The following CEP350 variants were observed in gnomAD, a reference collection of about 807,000 sequenced individuals.
CEP350 encodes centrosomal protein 350, also known as centrosome-associated protein 350.
CEP350 carries 126 observed loss-of-function variants against 331.8 expected under a neutral mutation model. The observed-to-expected ratio is 0.38, with a 90% CI of 0.33 to 0.44. The LOEUF is 0.44. Ranked by LOEUF, CEP350 falls within the 20% of genes least tolerant of loss-of-function variation. The pLI, the probability that CEP350 is intolerant of heterozygous loss-of-function variation, is 1.00. For synonymous variants in CEP350, 1,200 were observed against 1,259.5 expected (o/e 0.95, Z 1.00); for missense variants, 3,406 against 3,634.6 (o/e 0.94, Z 1.62).
At chr1:180,100,863 A>C (rs1282847357) in intron 37 of CEP350, among the ~76,000 whole-genome samples, 2 of 152,226 alleles carry the variant, frequency 1.3e-5, no homozygotes, top group Non-Finnish European at 2.9e-5. Context: ...TATCACGAGA[A>C]TAGCATGGGA....
chr1:180,014,460 C>G lies in CEP350; in HGVS notation c.2007C>G (p.Thr669=). 6.2e-7 allele frequency: 1 copy of G among 1,609,918 alleles called. No homozygotes were observed. ...ETYSKLLLEK[T]LLEEPSHQHV... ...ACTCCAAATTGCTACTAGAAAAGAC[C>G]TTGCTTGAAGAGCCATCTCATCAAC... The change falls in exon 10 of 38, where the codon ACC becomes ACG. Residue 669 remains threonine, a synonymous_variant. Transcript: ENST00000367607.
chr1:180,033,597 T>A (rs1472023898), intron 15 of CEP350, among the ~76,000 whole-genome samples: 1 of 152,156 alleles, frequency 6.6e-6, no homozygotes, highest in Non-Finnish European at 1.5e-5. Context: ...AAGAGTTCAG[T>A]GCTAGTTTAA....
chr1:180,057,284 A>T (rs978725936), intron 25 of CEP350, among the ~76,000 whole-genome samples: 2 of 151,820 alleles, frequency 1.3e-5, no homozygotes, highest in African/African-American at 2.4e-5. Context: ...TATTTTTAGT[A>T]GAGACGGGGT....
At chr1:180,028,389 G>A (rs768670253) in intron 14 of CEP350, among the ~76,000 whole-genome samples, 31 of 152,168 alleles carry the variant, frequency 2.0e-4, no homozygotes, top group Non-Finnish European at 4.0e-4. Flanking sequence ...TGCTAAGTTA[G>A]TGTCTCACCT....
chr1:180,114,602 G>A lies in CEP350; in HGVS notation c.*3441G>A, dbSNP rs747993926. ...CAAACACATTGCAAAGCATTCTCTG[G>A]GAGGTTCAGCCTCCTTGTGTGTACT... On this transcript the variant is annotated 3_prime_UTR_variant, in exon 38 of 38. Coordinates refer to ENST00000367607, the MANE Select transcript of CEP350 (RefSeq NM_014810.5). The A allele has an allele frequency of 6.6e-6, 1 of 152,550 alleles. No homozygotes were observed. The highest frequency in any genetic ancestry group is 1.5e-5 in the Non-Finnish European group (1 of 68,036). The allele number at this position is 152,550 out of a possible 1,614,324, so 9.4% of individuals were successfully genotyped here.
At chr1:179,978,249 A>G (rs1053144089) in intron 1 of CEP350, among the ~76,000 whole-genome samples, 4 of 152,100 alleles carry the variant, frequency 2.6e-5, no homozygotes, top group African/African-American at 9.7e-5. Context: ...TTATCTTTTA[A>G]ATTAAAAAAA....
intron 20 of CEP350, among the ~76,000 whole-genome samples, chr1:180,043,700 T>G (rs1656916370): frequency 6.6e-6 from 1 of 152,048 alleles, no homozygotes. Flanking sequence ...CTTAGGATTT[T>G]GGAGTTTATT....
rs536013682 is a variant in CEP350 at position 180,095,275 on chromosome 1, G to A, written c.8512-248G>A. The A allele has an allele frequency of 3.8e-5, 13 of 342,556 alleles. No individual in the cohort carries two copies. In the Admixed American group the frequency reaches 5.5e-4, roughly 15 times the overall value. The allele number at this position is 342,556 out of a possible 1,614,324, so 21.2% of individuals were successfully genotyped here. On this transcript the variant is annotated intron_variant, in intron 34 of 37. Coordinates refer to ENST00000367607, the MANE Select transcript of CEP350 (RefSeq NM_014810.5). The stretch of plus-strand genomic sequence containing the variant: ...CAGAATAATGATAATACAAAAAGCG[G>A]GGAGAGCCCTAATCAATAAACATTT...
At chr1:179,977,718 C>G (rs1349613413) in intron 1 of CEP350, among the ~76,000 whole-genome samples, 1 of 152,064 alleles carries the variant, frequency 6.6e-6, no homozygotes, top group African/African-American at 2.4e-5. Context: ...TGCACTTAGG[C>G]TACACTAAGT....
Position 180,014,278 on chromosome 1 carries a change from A to C in CEP350, c.1825A>C (p.Arg609=). 1 of 1,602,632 alleles carries C rather than the reference A, an allele frequency of 6.2e-7. No individual in the cohort carries two copies. Among genetic ancestry groups the C allele is most frequent in the Non-Finnish European group, 8.5e-7 (1 of 1,174,350 alleles). The change falls in exon 10 of 38, where the codon AGA becomes CGA. Residue 609 remains arginine (R), a synonymous_variant. Coordinates refer to ENST00000367607, the MANE Select transcript of CEP350 (RefSeq NM_014810.5). The part of the protein sequence containing the change: ...YIVRQQEERK[R]KQNEEKKAQK... The stretch of plus-strand genomic sequence containing the variant: ...TGTTAGGCAGCAGGAGGAAAGGAAG[A>C]GAAAGCAAAATGAAGAGAAGAAGGC...
chr1:180,111,186 G>A lies in CEP350; in HGVS notation c.*25G>A, dbSNP rs757950629. On this transcript the variant is annotated 3_prime_UTR_variant, in exon 38 of 38. Transcript: ENST00000367607. ...ACATCTTGCAAATAAATCGAACGCT[G>A]AGTGCTAATGTGAGTCCTGGGCCTT... 12 of 1,609,872 alleles carry A rather than the reference G, an allele frequency of 7.5e-6. No homozygotes were observed. Among genetic ancestry groups the A allele is most frequent in the South Asian group, 4.4e-5 (4 of 90,756 alleles).
intron 1 of CEP350, among the ~76,000 whole-genome samples, chr1:179,978,420 G>C (rs1206538732): frequency 6.6e-6 from 1 of 152,062 alleles, no homozygotes; most frequent in Non-Finnish European, 1.5e-5. Context: ...CTGTCAACTT[G>C]AAAATATGCA....
intron 25 of CEP350, among the ~76,000 whole-genome samples, chr1:180,056,402 G>A (rs1014766065): frequency 1.4e-5 from 2 of 144,598 alleles, no homozygotes; most frequent in Non-Finnish European, 3.0e-5. Context: ...TGAGCTTCTT[G>A]TATTGGTTTT....
chr1:179,994,347 T>TTA (rs1653318441), intron 5 of CEP350, among the ~76,000 whole-genome samples: 2 of 152,186 alleles, frequency 1.3e-5, no homozygotes, highest in Non-Finnish European at 2.9e-5. Flanking sequence ...TGTTACAGTC[T>TTA]TGTTAATATA....
intron 1 of CEP350, among the ~76,000 whole-genome samples, chr1:179,959,254 C>G (rs987773702): frequency 6.6e-6 from 1 of 152,114 alleles, no homozygotes; most frequent in South Asian, 2.1e-4. Flanking sequence ...GTCAGGAGTT[C>G]GAGACCGGCC....
chr1:180,057,380 C>T (rs551609916), intron 25 of CEP350, among the ~76,000 whole-genome samples: 6 of 152,042 alleles, frequency 3.9e-5, no homozygotes, highest in Non-Finnish European at 5.9e-5. Context: ...GGATTACAGG[C>T]GTGAGCCACC....
rs1389890386 is a variant in CEP350, at chr1:180,095,860, C to T, written c.8849C>T (p.Pro2950Leu). 1 of 1,613,434 alleles carries T rather than the reference C, an allele frequency of 6.2e-7. No individual in the cohort carries two copies. The highest frequency in any genetic ancestry group is 1.1e-5 in the South Asian group (1 of 91,022). ...CACGATCTTCATAGCATCAGTATTCCTACAAAACTGCTTGGCTGTGCCAGT... is the reference window on the plus strand; with the variant it reads ...CACGATCTTCATAGCATCAGTATTCTTACAAAACTGCTTGGCTGTGCCAGT... The part of the protein sequence containing the change: ...LGHDLHSISI[P>L]TKLLGCASKG... The change falls in exon 35 of 38, where the codon CCT becomes CTT. Residue 2950 changes from proline (P) to leucine (L), a missense_variant. Physicochemically the swap from Pro to Leu is moderately conservative, Grantham distance 98 (BLOSUM62 -3). Coordinates refer to ENST00000367607, the MANE Select transcript of CEP350 (RefSeq NM_014810.5).
intron 37 of CEP350, among the ~76,000 whole-genome samples, chr1:180,100,171 C>T (rs1317166987): frequency 2.0e-5 from 3 of 152,032 alleles, no homozygotes; most frequent in African/African-American, 7.2e-5. Flanking sequence ...AGGTGTCTTA[C>T]GCCTTATTTG....
rs1655274437 is a variant in CEP350 at position 180,020,750 on chromosome 1, T to A, written c.2976T>A (p.Ser992Arg). Residue 992 changes from serine (S) to arginine (R), a missense_variant, in exon 12 of 38, where the codon AGT (serine) becomes AGA (arginine). By Grantham distance (110) the Ser-to-Arg change is moderately radical (BLOSUM62 -1). Coordinates refer to ENST00000367607, the MANE Select transcript of CEP350 (RefSeq NM_014810.5). ...VSEGPLLSEG[S>R]LSEEEGDQDG... ...AAGGGCCTCTTCTTAGTGAGGGGAG[T>A]CTCTCTGAAGAAGAGGGAGACCAGG... 1 of 1,613,788 alleles carries A rather than the reference T, an allele frequency of 6.2e-7. No homozygotes were observed. Among genetic ancestry groups the A allele is most frequent in the African/African-American group, 1.3e-5 (1 of 74,948 alleles).
Sources: gnomAD v4.1 joint callset for allele counts (sites outside exome capture counted in the v4.1 genomes callset) on GRCh38, gnomAD v4.1.1 for gene constraint, MANE v1.5 for transcripts, NCBI Gene and HGNC (gene_info 2026-07-23, HGNC 2026-07-21) for gene names.